Variants in TPMT observed in about 807,000 individuals in gnomAD.
TPMT encodes S-adenosyl-L-methionine:thiopurine S-methyltransferase.
Under a neutral mutation model 34.2 loss-of-function variants are expected in TPMT, and 18 were observed. The ratio of observed to expected loss-of-function variants is 0.53; its 90% CI spans 0.36 to 0.78. The LOEUF is 0.78. Among genes scored for constraint, TPMT ranks in the 30% least tolerant of loss-of-function variants. The pLI, the probability that TPMT is intolerant of heterozygous loss-of-function variation, is 0.00. For synonymous variants in TPMT, 69 were observed against 92.4 expected (o/e 0.75, Z 1.45); for missense variants, 265 against 288.1 (o/e 0.92, Z 0.58).
intron 1 of TPMT, among the ~76,000 whole-genome samples, chr6:18,151,432 C>T (rs933861954): frequency 7.3e-5 from 11 of 151,504 alleles, no homozygotes; most frequent in Admixed American, 2.0e-4. Context: ...GGTGCCACTG[C>T]ACTCCAGCCT....
rs1047157814 is a variant in TPMT, at chr6:18,140,228, C to T, written c.367-511G>A. The stretch of plus-strand genomic sequence containing the variant: ...GGGTTCTTGACAGTAGATTTGAATT[C>T]GACACAGTCTCTGACCACAGTGAGG... On this transcript the variant is annotated intron_variant, in intron 4 of 8. Transcript: ENST00000309983. This position sits in a 1 kb window ranked among gnomAD's most constrained non-coding sequence, Gnocchi z 4.7. Among the ~76,000 whole-genome samples, 8 of 152,134 alleles carry T rather than the reference C, an allele frequency of 5.3e-5. No individual in the cohort carries two copies. The highest frequency in any genetic ancestry group is 9.7e-5 in the African/African-American group (4 of 41,426).
Position 18,135,987 on chromosome 6 carries a change from G to C in TPMT, c.495-2098C>G, listed in dbSNP as rs1432941157. On this transcript the variant is annotated intron_variant, in intron 6 of 8. Transcript: ENST00000309983. The surrounding 1 kb of genome is among the most constrained non-coding windows in gnomAD (Gnocchi z 5.0). ...AACATTTATTAAGCTCTTACTAGGT[G>C]CTAAATATATATTATATCAGACACT... is the stretch of plus-strand genomic sequence containing the variant. Among the ~76,000 whole-genome samples, 3 of 152,216 alleles carry C rather than the reference G, an allele frequency of 2.0e-5. No homozygotes were observed. In the East Asian group the frequency reaches 5.8e-4, roughly 29 times the overall value.
chr6:18,144,169 T>C lies in TPMT; in HGVS notation c.234-441A>G, dbSNP rs531072995. Among the ~76,000 whole-genome samples the C allele has an allele frequency of 7.9e-5, 12 of 152,284 alleles. No homozygotes were observed. In the South Asian group the frequency reaches 2.3e-3, roughly 29 times the overall value. On this transcript the variant is annotated intron_variant, in intron 3 of 8. Transcript: ENST00000309983. ...CATTAGCCACATTGGTTCCTCGTGA[T>C]TGAGGAACTGAATTTTACATTTTAT... is the stretch of plus-strand genomic sequence containing the variant.
rs1005186702 is a variant in TPMT, at chr6:18,140,864, G to T, written c.367-1147C>A. The stretch of plus-strand genomic sequence containing the variant: ...AGGATCCTGGGAGCTGGGGTGAAGG[G>T]CAGTGTAGGAAAGGTGTGTCAGCAC... On this transcript the variant is annotated intron_variant, in intron 4 of 8. Coordinates refer to ENST00000309983, the MANE Select transcript of TPMT (RefSeq NM_000367.5). This position sits in a 1 kb window ranked among gnomAD's most constrained non-coding sequence, Gnocchi z 4.7. Among the ~76,000 whole-genome samples the T allele has an allele frequency of 7.2e-5, 11 of 152,140 alleles. No individual in the cohort carries two copies. The East Asian group carries it at 2.1e-3, about 29-fold the overall frequency.
At chr6:18,147,955 G>T in intron 2 of TPMT, 40 bp from the exon 3 acceptor site, 1 of 1,470,726 alleles carries the variant, frequency 6.8e-7, no homozygotes, top group Non-Finnish European at 9.5e-7. Context: ...ACAATTGTAT[G>T]GTAGGTGAAC....
At position 18,153,059 on chromosome 6, in the gene TPMT, T is replaced by G. The variant is rs922044673; in HGVS notation, c.-45+1974A>C. ...ATGAAGCTCAATTACTCATGGGTAC[T>G]TTCCTCCTTTCATAAATATTCATGA... is the stretch of plus-strand genomic sequence containing the variant. On this transcript the variant is annotated intron_variant, in intron 1 of 8. Transcript: ENST00000309983. The surrounding 1 kb of genome is among the most constrained non-coding windows in gnomAD (Gnocchi z 4.2). 6.6e-6 allele frequency among the ~76,000 whole-genome samples: 1 copy of G among 152,228 alleles called. No individual in the cohort carries two copies. The highest frequency in any genetic ancestry group is 6.5e-5 in the Admixed American group (1 of 15,276).
chr6:18,137,045 G>T (rs142930605), intron 6 of TPMT, among the ~76,000 whole-genome samples: 1 of 152,064 alleles, frequency 6.6e-6, no homozygotes, highest in African/African-American at 2.4e-5. Context: ...AATTTAAAAA[G>T]ATTAGGTTTG....
rs1404072784 is a variant in TPMT, at chr6:18,150,944, C to A, written c.-44-1773G>T. On this transcript the variant is annotated intron_variant, in intron 1 of 8. Coordinates refer to ENST00000309983, the MANE Select transcript of TPMT (RefSeq NM_000367.5). The surrounding 1 kb of genome is among the most constrained non-coding windows in gnomAD (Gnocchi z 5.3). The stretch of plus-strand genomic sequence containing the variant: ...GGCCAGGCTGGTCTTGAACTCCTGG[C>A]CTCATGTGATTCACCAGCCTCGGCT... Among the ~76,000 whole-genome samples the A allele has an allele frequency of 6.6e-6, 1 of 152,080 alleles. No individual in the cohort carries two copies. Among genetic ancestry groups the A allele is most frequent in the African/African-American group, 2.4e-5 (1 of 41,414 alleles).
intron 4 of TPMT, among the ~76,000 whole-genome samples, chr6:18,141,880 C>T (rs544120977): frequency 1.3e-5 from 2 of 152,254 alleles, no homozygotes; most frequent in South Asian, 2.1e-4. Flanking sequence ...ACATAGATGC[C>T]GGCAGTTTGT....
chr6:18,136,080 C>G lies in TPMT; in HGVS notation c.495-2191G>C, dbSNP rs1784037447. 6.6e-6 allele frequency among the ~76,000 whole-genome samples: 1 copy of G among 152,278 alleles called. No individual in the cohort carries two copies. The highest frequency in any genetic ancestry group is 1.9e-4 in the East Asian group (1 of 5,174). ...CCAAAGTGCTGGGTCCGCTCTTGGTCTGCACGTGGTGACTTTTAGTTTGCT... is the reference window on the plus strand; with the variant it reads ...CCAAAGTGCTGGGTCCGCTCTTGGTGTGCACGTGGTGACTTTTAGTTTGCT... On this transcript the variant is annotated intron_variant, in intron 6 of 8. Transcript: ENST00000309983. This position sits in a 1 kb window ranked among gnomAD's most constrained non-coding sequence, Gnocchi z 4.7.
chr6:18,153,778 A>G lies in TPMT; in HGVS notation c.-45+1255T>C, dbSNP rs1419280614. Among the ~76,000 whole-genome samples the G allele has an allele frequency of 6.6e-6, 1 of 152,240 alleles. No individual in the cohort carries two copies. Among genetic ancestry groups the G allele is most frequent in the Non-Finnish European group, 1.5e-5 (1 of 68,042 alleles). The stretch of plus-strand genomic sequence containing the variant: ...TTCATTCAGAAACTCTGGAACCTAA[A>G]TTCAAGGCTTCATAAAGCAGTTCTC... On this transcript the variant is annotated intron_variant, in intron 1 of 8. Transcript: ENST00000309983. This position sits in a 1 kb window ranked among gnomAD's most constrained non-coding sequence, Gnocchi z 4.2.
At position 18,129,741 on chromosome 6, in the gene TPMT, A is replaced by C. The variant is rs953587383; in HGVS notation, c.*927T>G. On this transcript the variant is annotated 3_prime_UTR_variant, in exon 9 of 9. Transcript: ENST00000309983. ...AACTTAAAGAAAAATTTATTCTTAGAATTTGGGAATGTTTGTTCCATATAG... is the reference window on the plus strand; with the variant it reads ...AACTTAAAGAAAAATTTATTCTTAGCATTTGGGAATGTTTGTTCCATATAG... The C allele has an allele frequency of 2.0e-5, 3 of 152,196 alleles. No individual in the cohort carries two copies. The highest frequency in any genetic ancestry group is 4.4e-5 in the Non-Finnish European group (3 of 68,034). 9.4% of individuals were successfully genotyped at this position (152,196 alleles called of 1,614,324 possible).
rs976457437 is a variant in TPMT, at chr6:18,138,116, G to C, written c.494+847C>G. Among the ~76,000 whole-genome samples, 1 of 152,144 alleles carries C rather than the reference G, an allele frequency of 6.6e-6. No homozygotes were observed. Among genetic ancestry groups the C allele is most frequent in the East Asian group, 1.9e-4 (1 of 5,182 alleles). ...CTTCAAAGCCAAACACTCTGGTTTT[G>C]AATCTCAACTCTGTCACATACCAGC... is the stretch of plus-strand genomic sequence containing the variant. On this transcript the variant is annotated intron_variant, in intron 6 of 8. Coordinates refer to ENST00000309983, the MANE Select transcript of TPMT (RefSeq NM_000367.5). The surrounding 1 kb of genome is among the most constrained non-coding windows in gnomAD (Gnocchi z 4.1).
chr6:18,147,758 G>A lies in TPMT; in HGVS notation c.233+65C>T, dbSNP rs974170292. 9.5e-6 allele frequency: 14 copies of A among 1,477,160 alleles called. No homozygotes were observed. In the East Asian group the frequency reaches 2.9e-4, roughly 31 times the overall value. The allele number at this position is 1,477,160 out of a possible 1,614,324, so 91.5% of individuals were successfully genotyped here. A position where few individuals can be genotyped will look rare whatever the true frequency, so the allele number is the denominator to read the frequency against. The stretch of plus-strand genomic sequence containing the variant: ...AATGGAGTTTTAAAACTCACATCCT[G>A]TTAAATCACCCAAAGAATTCATCAT... On this transcript the variant is annotated intron_variant, in intron 3 of 8. Transcript: ENST00000309983.
In TPMT at chr6:18,145,443, G is replaced by T. The variant is rs1784231331; in HGVS notation, c.234-1715C>A. ...GGTGCAGTTTTCTGCTTTTACCTAA[G>T]GCTTCTTATAGATGAAATCACACAC... On this transcript the variant is annotated intron_variant, in intron 3 of 8. Transcript: ENST00000309983. This position sits in a 1 kb window ranked among gnomAD's most constrained non-coding sequence, Gnocchi z 5.6. Among the ~76,000 whole-genome samples, 1 of 152,064 alleles carries T rather than the reference G, an allele frequency of 6.6e-6. No individual in the cohort carries two copies.
rs1160096292 is a variant in TPMT, at chr6:18,153,222, G to C, written c.-45+1811C>G. On this transcript the variant is annotated intron_variant, in intron 1 of 8. Transcript: ENST00000309983. This position sits in a 1 kb window ranked among gnomAD's most constrained non-coding sequence, Gnocchi z 4.2. Reference sequence around the variant, plus strand: ...CACTTCTCAGCCAGTCAGAATGGCTGCTCTACAGTCTGAAACCATTCATGA... The same window carrying C: ...CACTTCTCAGCCAGTCAGAATGGCTCCTCTACAGTCTGAAACCATTCATGA... Among the ~76,000 whole-genome samples the C allele has an allele frequency of 6.6e-6, 1 of 152,168 alleles. No homozygotes were observed. Among genetic ancestry groups the C allele is most frequent in the Non-Finnish European group, 1.5e-5 (1 of 68,042 alleles).
At position 18,148,158 on chromosome 6, in the gene TPMT, T is replaced by G. The variant is rs1784283489; in HGVS notation, c.141-243A>C. On this transcript the variant is annotated intron_variant, in intron 2 of 8. Coordinates refer to ENST00000309983, the MANE Select transcript of TPMT (RefSeq NM_000367.5). The surrounding 1 kb of genome is among the most constrained non-coding windows in gnomAD (Gnocchi z 4.1). ...AAAAATAATTTTTTTTTCTTGGGGA[T>G]GTTTTGAAAATTCTTTATTAATTCT... Among the ~76,000 whole-genome samples the G allele has an allele frequency of 6.6e-6, 1 of 152,166 alleles. No individual in the cohort carries two copies. Among genetic ancestry groups the G allele is most frequent in the Non-Finnish European group, 1.5e-5 (1 of 68,036 alleles).
chr6:18,149,198 T>A lies in TPMT; in HGVS notation c.-44-27A>T. On this transcript the variant is annotated intron_variant, in intron 1 of 8. Transcript: ENST00000309983. The surrounding 1 kb of genome is among the most constrained non-coding windows in gnomAD (Gnocchi z 5.0). ...TACGTGGAAAATATTTGCAATGTTG[T>A]CATTTAAGGTCATTGGAATTCTATT... is the stretch of plus-strand genomic sequence containing the variant. 4.4e-6 allele frequency: 7 copies of A among 1,577,684 alleles called. No homozygotes were observed. Among genetic ancestry groups the A allele is most frequent in the Non-Finnish European group, 6.1e-6 (7 of 1,149,658 alleles).
At chr6:18,152,666 A>C (rs1348564559) in intron 1 of TPMT, among the ~76,000 whole-genome samples, 1 of 149,902 alleles carries the variant, frequency 6.7e-6, no homozygotes. Context: ...TTGGCTCACT[A>C]CACACTTTCT....
Sources: allele counts gnomAD v4.1 joint callset (sites outside exome capture counted in the v4.1 genomes callset), GRCh38; gene constraint gnomAD v4.1.1; non-coding constraint Gnocchi (gnomAD v3.1); transcripts MANE v1.5; gene names NCBI Gene and HGNC (gene_info 2026-07-23, HGNC 2026-07-21).